Variants in FANCL observed in about 807,000 individuals in gnomAD.
FANCL encodes the protein FA complementation group L.
FANCL carries 69 observed loss-of-function variants against 59.4 expected under a neutral mutation model. That is an observed-to-expected ratio of 1.16 (90% CI 0.96 to 1.42). The LOEUF (loss-of-function observed/expected upper bound fraction) is 1.42, where lower values mean the gene tolerates loss of function less well. Among genes scored for constraint, FANCL ranks in the 40% most tolerant of loss-of-function variants. FANCL has a pLI of 0.00. For missense variants in FANCL, 519 were observed against 447.2 expected, an observed-to-expected ratio of 1.16 and a Z score of -1.45; for synonymous variants, 180 against 147.1, an observed-to-expected ratio of 1.22 and a Z score of -1.62.
At chr2:58,201,044 T>C (rs1689962113) in intron 6 of FANCL, among the ~76,000 whole-genome samples, 1 of 150,552 alleles carries the variant, frequency 6.6e-6, no homozygotes, top group Non-Finnish European at 1.5e-5. Context: ...TGATTTATCA[T>C]AAATATTAAA....
intron 4 of FANCL, 120 bp from the exon 5 acceptor site, chr2:58,222,162 T>C: frequency 2.8e-6 from 2 of 705,762 alleles, no homozygotes; most frequent in Non-Finnish European, 4.9e-6. Context: ...CCTGTTTTTT[T>C]ACGGAAATCT....
intron 7 of FANCL, among the ~76,000 whole-genome samples, chr2:58,177,189 T>G (rs549454177): frequency 0.019 from 2,966 of 152,244 alleles, 103 homozygotes; most frequent in African/African-American, 0.068. Flanking sequence ...GGTGGGACTG[T>G]AAACTAGTTC....
intron 5 of FANCL, among the ~76,000 whole-genome samples, chr2:58,216,003 G>A (rs574355109): frequency 1.3e-3 from 204 of 152,198 alleles, no homozygotes; most frequent in Non-Finnish European, 1.5e-3. Flanking sequence ...ATCTCTGTGG[G>A]AACTCTTGAA....
intron 7 of FANCL, among the ~76,000 whole-genome samples, chr2:58,176,136 A>T (rs564380752): frequency 1.1e-3 from 165 of 152,004 alleles, no homozygotes; most frequent in Non-Finnish European, 1.7e-3. Flanking sequence ...AAGAGGATAC[A>T]AACAAATGGA....
intron 5 of FANCL, among the ~76,000 whole-genome samples, chr2:58,206,222 A>G (rs1690568097): frequency 6.6e-6 from 1 of 152,166 alleles, no homozygotes; most frequent in African/African-American, 2.4e-5. Context: ...GCTAATGGAA[A>G]AATAAAAAAG....
intron 3 of FANCL, among the ~76,000 whole-genome samples, chr2:58,229,156 C>T (rs1234902173): frequency 1.3e-5 from 2 of 151,618 alleles, no homozygotes; most frequent in Admixed American, 6.6e-5. Context: ...CTTTAAGACA[C>T]AGAAATATAG....
intron 5 of FANCL, among the ~76,000 whole-genome samples, chr2:58,209,744 G>T (rs1034387824): frequency 6.6e-6 from 1 of 152,034 alleles, no homozygotes; most frequent in African/African-American, 2.4e-5. Context: ...GATTAAGTTT[G>T]CCCAAGATCA....
rs1686112767 is a variant in FANCL, at chr2:58,167,866, A to G, written c.541-1992T>C. 2.0e-5 allele frequency among the ~76,000 whole-genome samples: 3 copies of G among 152,354 alleles called. No individual in the cohort carries two copies. The South Asian group carries it at 6.2e-4, about 32-fold the overall frequency. On this transcript the variant is annotated intron_variant, in intron 7 of 13. Transcript: ENST00000233741. Reference sequence around the variant, plus strand: ...CAATTTCAACGAACTTAGGGGGTAGACATCAAAACTATTATATCAGTAAGC... The same window carrying G: ...CAATTTCAACGAACTTAGGGGGTAGGCATCAAAACTATTATATCAGTAAGC...
At chr2:58,162,695 T>A (rs1685384798) in intron 11 of FANCL, among the ~76,000 whole-genome samples, 171 bp downstream of exon 11, 1 of 151,884 alleles carries the variant, frequency 6.6e-6, no homozygotes, top group East Asian at 1.9e-4. Flanking sequence ...CAAGAGACAG[T>A]TGTACTTAAC....
chr2:58,160,148 CTCTG>C lies in FANCL; in HGVS notation c.1048_1051del (p.Gln350ValfsTer18), dbSNP rs1553433429. 8 of 1,612,736 alleles carry C rather than the reference CTCTG, an allele frequency of 5.0e-6. No individual in the cohort carries two copies. Among genetic ancestry groups the C allele is most frequent in the Middle Eastern group, 1.6e-4 (1 of 6,070 alleles). ...ACATTCACCAAATATGATGTTAAAA[CTCTG>C]TCTACTAGTTAGTAGTCCTCTCAGC... On this transcript the variant is annotated frameshift_variant, in exon 13 of 14. Coordinates refer to ENST00000233741, the MANE Select transcript of FANCL (RefSeq NM_018062.4). LOFTEE classifies it high-confidence loss of function.
intron 7 of FANCL, among the ~76,000 whole-genome samples, chr2:58,191,098 C>T (rs1688877251): frequency 6.6e-6 from 1 of 151,220 alleles, no homozygotes; most frequent in Non-Finnish European, 1.5e-5. Context: ...ATATAAACAC[C>T]CACATATTCC....
intron 5 of FANCL, among the ~76,000 whole-genome samples, chr2:58,216,090 G>A (rs1164364922): frequency 6.6e-6 from 1 of 152,170 alleles, no homozygotes; most frequent in African/African-American, 2.4e-5. Context: ...TAATTGAGAG[G>A]TCTTGTGGAG....
chr2:58,171,347 T>C (rs979448881), intron 7 of FANCL, among the ~76,000 whole-genome samples: 1 of 152,066 alleles, frequency 6.6e-6, no homozygotes, highest in Admixed American at 6.5e-5. Context: ...AAAGACACAA[T>C]GTACCAGAAT....
At chr2:58,181,819 T>A (rs954633471) in intron 7 of FANCL, among the ~76,000 whole-genome samples, 1 of 151,898 alleles carries the variant, frequency 6.6e-6, no homozygotes, top group Non-Finnish European at 1.5e-5. Context: ...ATGATATAAA[T>A]TACGTATGAG....
intron 5 of FANCL, among the ~76,000 whole-genome samples, chr2:58,211,596 T>A (rs1187052550): frequency 6.6e-6 from 1 of 152,240 alleles, no homozygotes; most frequent in African/African-American, 2.4e-5. Context: ...ATTGTCAGGC[T>A]GCAAATTTTT....
chr2:58,202,605 T>G (rs1271911013), intron 6 of FANCL, among the ~76,000 whole-genome samples: 1 of 151,826 alleles, frequency 6.6e-6, no homozygotes, highest in East Asian at 1.9e-4. Flanking sequence ...ATAAAAGTGC[T>G]TCGTAACTAC....
intron 11 of FANCL, among the ~76,000 whole-genome samples, 186 bp from the exon 12 acceptor site, chr2:58,161,824 CT>C (rs1685225774): frequency 6.6e-6 from 1 of 151,854 alleles, no homozygotes; most frequent in African/African-American, 2.4e-5. Context: ...ATTCTTCTAA[CT>C]ACTTTAGAAT....
chr2:58,194,523 G>T (rs1442652540), intron 7 of FANCL, among the ~76,000 whole-genome samples: 1 of 152,124 alleles, frequency 6.6e-6, no homozygotes, highest in African/African-American at 2.4e-5. Context: ...CAAATATCTA[G>T]AAAGAGGTGC....
intron 7 of FANCL, among the ~76,000 whole-genome samples, chr2:58,175,269 C>T (rs1014883616): frequency 1.3e-5 from 2 of 148,640 alleles, no homozygotes; most frequent in Non-Finnish European, 3.0e-5. Context: ...AGGGAATCCT[C>T]CCTAACTCAT....
Sources: gnomAD v4.1 joint callset for allele counts (sites outside exome capture counted in the v4.1 genomes callset) on GRCh38, gnomAD v4.1.1 for gene constraint, MANE v1.5 for transcripts, NCBI Gene and HGNC (gene_info 2026-07-23, HGNC 2026-07-21) for gene names.